The following STRN3 variants were observed in gnomAD, a reference collection of about 807,000 sequenced individuals.
STRN3 encodes striatin 3, also known as striatin-3.
In STRN3, 29 loss-of-function variants were observed where a neutral mutation model predicts 95.6. That is an observed-to-expected ratio of 0.30 (90% CI 0.23 to 0.41). The LOEUF (loss-of-function observed/expected upper bound fraction) is 0.41, where lower values mean the gene tolerates loss of function less well. STRN3 is among the 10% of genes least tolerant of loss of function. STRN3 has a pLI of 1.00. For synonymous variants in STRN3, 331 were observed against 357.6 expected, an observed-to-expected ratio of 0.93 and a Z score of 0.84; for missense variants, 890 against 972.1, an observed-to-expected ratio of 0.92 and a Z score of 1.12.
intron 1 of STRN3, among the ~76,000 whole-genome samples, chr14:30,989,864 A>G (rs1394855913): frequency 2.6e-5 from 4 of 151,994 alleles, no homozygotes; most frequent in African/African-American, 4.8e-5. Flanking sequence ...CTCAGTTTCC[A>G]TATCTATGAA....
At chr14:30,918,009 C>T (rs1232857359) in intron 9 of STRN3, among the ~76,000 whole-genome samples, 1 of 151,770 alleles carries the variant, frequency 6.6e-6, no homozygotes, top group South Asian at 2.1e-4. Flanking sequence ...TCAAGTATAC[C>T]CATATATCTT....
At chr14:30,950,703 CA>C (rs1290391584) in intron 4 of STRN3, among the ~76,000 whole-genome samples, 159 bp downstream of exon 4, 3 of 151,960 alleles carry the variant, frequency 2.0e-5, no homozygotes, top group Non-Finnish European at 4.4e-5. Flanking sequence ...TCAGAGGAAA[CA>C]AACTTTTAAA....
At chr14:30,990,178 T>G (rs527963539) in intron 1 of STRN3, among the ~76,000 whole-genome samples, 24 of 151,544 alleles carry the variant, frequency 1.6e-4, no homozygotes, top group Middle Eastern at 3.4e-3. Context: ...TTTTTTTTTT[T>G]TTGAGATGGA....
At chr14:31,016,865 T>C (rs1265614791) in intron 1 of STRN3, among the ~76,000 whole-genome samples, 1 of 152,304 alleles carries the variant, frequency 6.6e-6, no homozygotes, top group Non-Finnish European at 1.5e-5. Context: ...TTAAAAATTA[T>C]AGCAACTAGC....
chr14:30,936,716 TAG>T (rs1878840585), intron 5 of STRN3, 92 bp from the exon 6 acceptor site: 5 of 1,454,082 alleles, frequency 3.4e-6, no homozygotes, highest in African/African-American at 2.8e-5. Flanking sequence ...TTCTTAAAAC[TAG>T]AGAGATTCGA....
intron 1 of STRN3, among the ~76,000 whole-genome samples, chr14:31,020,540 T>C (rs573879428): frequency 6.6e-6 from 1 of 152,196 alleles, no homozygotes; most frequent in East Asian, 1.9e-4. Context: ...TTAGGTATTA[T>C]CTGAAACTCC....
At chr14:30,935,745 C>A (rs1566444819) in intron 6 of STRN3, among the ~76,000 whole-genome samples, 1 of 152,116 alleles carries the variant, frequency 6.6e-6, no homozygotes, top group East Asian at 1.9e-4. Flanking sequence ...CCTTCCAGAA[C>A]AAAAAAATTA....
chr14:30,923,591 T>C (rs1896937337), intron 8 of STRN3, among the ~76,000 whole-genome samples: 2 of 152,070 alleles, frequency 1.3e-5, no homozygotes, highest in African/African-American at 4.8e-5. Flanking sequence ...AATGCAAACA[T>C]ACATATTCCC....
intron 8 of STRN3, among the ~76,000 whole-genome samples, chr14:30,921,003 T>A (rs1480642641): frequency 6.6e-6 from 1 of 152,040 alleles, no homozygotes; most frequent in Non-Finnish European, 1.5e-5. Flanking sequence ...AGGTTACTTC[T>A]GCAGTATTTT....
At position 30,907,280 on chromosome 14, in the gene STRN3, CTT is replaced by C. The variant is rs35844855; in HGVS notation, c.1721-238_1721-237del. Among the ~76,000 whole-genome samples the C allele has an allele frequency of 4.5e-4, 64 of 142,830 alleles. 1 individual carries two copies. Among genetic ancestry groups the C allele is most frequent in the African/African-American group, 1.1e-3 (43 of 39,092 alleles). The allele number at this position is 142,830 out of a possible 152,430, so 93.7% of individuals were successfully genotyped here. A position where few individuals can be genotyped will look rare whatever the true frequency, so the allele number is the denominator to read the frequency against. ...ACAATTTTCTATAAAGAAACATATG[CTT>C]TTTTTTTTTTTTAAAACAGCTTTCT... On this transcript the variant is annotated intron_variant, in intron 13 of 17. Coordinates refer to ENST00000357479, the MANE Select transcript of STRN3 (RefSeq NM_001083893.2).
At chr14:30,934,754 TTC>T (rs1488201696) in intron 7 of STRN3, among the ~76,000 whole-genome samples, 4 of 152,202 alleles carry the variant, frequency 2.6e-5, no homozygotes, top group Non-Finnish European at 4.4e-5. Context: ...TAATTACTAA[TTC>T]TAGTAATTAG....
In STRN3 at chr14:30,911,125, C is replaced by T; in HGVS notation, c.1636G>A (p.Glu546Lys). 8 of 1,614,036 alleles carry T rather than the reference C, an allele frequency of 5.0e-6. No homozygotes were observed. Among genetic ancestry groups the T allele is most frequent in the Non-Finnish European group, 6.8e-6 (8 of 1,179,992 alleles). Residue 546 changes from glutamate to lysine, a missense_variant, in exon 13 of 18, where the codon GAA becomes AAA. Glu to Lys is a moderately conservative substitution (Grantham distance 56). This residue lies in a region of STRN3 where 357 missense variants were observed against 422.8 expected (regional missense o/e 0.84). Coordinates refer to ENST00000357479, the MANE Select transcript of STRN3 (RefSeq NM_001083893.2). ...TCAATACCACCACTAAAACACTGTTCTCCATTAGAACTAATAGCTAATGAC... is the reference window on the plus strand; with the variant it reads ...TCAATACCACCACTAAAACACTGTTTTCCATTAGAACTAATAGCTAATGAC... The part of the protein sequence containing the change: ...VLSLAISSNG[E>K]QCFSGGIDAT...
rs144815797 is a variant in STRN3 at position 31,024,247 on chromosome 14, T to C, written c.282+1657A>G. Among the ~76,000 whole-genome samples, 441 of 152,298 alleles carry C rather than the reference T, an allele frequency of 2.9e-3. 5 individuals are homozygous for C. The highest frequency in any genetic ancestry group is 0.01 in the African/African-American group (419 of 41,578). ...AACAGTACAAAGGTCTAAGAAACCA[T>C]AGCAGGGACTGGTGAAGTATTATTT... On this transcript the variant is annotated intron_variant, in intron 1 of 17. Coordinates refer to ENST00000357479, the MANE Select transcript of STRN3 (RefSeq NM_001083893.2).
chr14:30,905,993 A>G (rs184567194), intron 14 of STRN3, among the ~76,000 whole-genome samples: 24 of 152,314 alleles, frequency 1.6e-4, no homozygotes, highest in Admixed American at 1.4e-3. Context: ...AGCAGCTAAT[A>G]CAAGTCAGAT....
chr14:30,897,621 T>C (rs1896193554), intron 16 of STRN3, among the ~76,000 whole-genome samples: 1 of 152,110 alleles, frequency 6.6e-6, no homozygotes, highest in South Asian at 2.1e-4. Flanking sequence ...TCCAGCACTA[T>C]TAAACACTTA....
intron 4 of STRN3, among the ~76,000 whole-genome samples, chr14:30,949,295 A>G (rs777655194): frequency 6.6e-6 from 1 of 152,194 alleles, no homozygotes; most frequent in Non-Finnish European, 1.5e-5. Flanking sequence ...GTAAGAAACT[A>G]AAGTAAAATA....
At chr14:30,953,220 G>A (rs191452835) in intron 3 of STRN3, among the ~76,000 whole-genome samples, 5 of 152,132 alleles carry the variant, frequency 3.3e-5, no homozygotes, top group Non-Finnish European at 7.4e-5. Flanking sequence ...AGGAATTTTT[G>A]AACACGCCCA....
chr14:31,021,995 A>T (rs1336380814), intron 1 of STRN3, among the ~76,000 whole-genome samples: 1 of 152,204 alleles, frequency 6.6e-6, no homozygotes, highest in African/African-American at 2.4e-5. Context: ...AATTTTTTTA[A>T]CTATTATCAC....
chr14:30,990,166 C>CT lies in STRN3; in HGVS notation c.283-33925dup, dbSNP rs34799735. ...TAGCAGTCTTCTGAGGGCACTATGA[C>CT]TTTTTTTTTTTTTTGAGATGGAGTA... On this transcript the variant is annotated intron_variant, in intron 1 of 17. Transcript: ENST00000357479. 2.7e-3 allele frequency among the ~76,000 whole-genome samples: 382 copies of CT among 142,878 alleles called. 2 individuals carry two copies. Among genetic ancestry groups the CT allele is most frequent in the South Asian group, 5.3e-3 (24 of 4,500 alleles). The allele number at this position is 142,878 out of a possible 152,430, so 93.7% of individuals were successfully genotyped here. A position where few individuals can be genotyped will look rare whatever the true frequency, so the allele number is the denominator to read the frequency against.
Sources: allele counts gnomAD v4.1 joint callset (sites outside exome capture counted in the v4.1 genomes callset), GRCh38; gene constraint gnomAD v4.1.1; regional missense constraint gnomAD v4.1.1; transcripts MANE v1.5; gene names NCBI Gene and HGNC (gene_info 2026-07-23, HGNC 2026-07-21).